The following MYH4 variants were observed in gnomAD, a reference collection of about 807,000 sequenced individuals.
The protein encoded by MYH4 is myosin-4.
MYH4 carries 200 observed loss-of-function variants against 229.9 expected under a neutral mutation model. The observed-to-expected ratio is 0.87, with a 90% CI of 0.78 to 0.98. The LOEUF is 0.98. Ranked by LOEUF, MYH4 falls within the 50% of genes least tolerant of loss-of-function variation. The probability of loss-of-function intolerance (pLI) is 0.00; values close to 1 mark genes in which losing one functional copy is unlikely to be tolerated. For missense variants in MYH4, 2,148 were observed against 2,332.6 expected, an observed-to-expected ratio of 0.92 and a Z score of 1.63; for synonymous variants, 761 against 834.6, an observed-to-expected ratio of 0.91 and a Z score of 1.52.
chr17:10,466,557 C>T lies in MYH4; in HGVS notation c.189G>A (p.Lys63=). ...QSREGGKVTA[K]TEAGATVTVK... ...TTTTACTCACAGCTCCAGCTTCGGT[C>T]TTGGCTGTCACCTTCCCCCCTTCCC... Residue 63 remains lysine (K), a synonymous_variant, in exon 3 of 40, where the codon AAG becomes AAA. Coordinates refer to ENST00000255381, the MANE Select transcript of MYH4 (RefSeq NM_017533.2). The T allele has an allele frequency of 6.2e-7, 1 of 1,613,922 alleles. No individual in the cohort carries two copies. Among genetic ancestry groups the T allele is most frequent in the Admixed American group, 1.7e-5 (1 of 60,034 alleles).
chr17:10,458,525 G>A (rs1455562680), intron 15 of MYH4, among the ~76,000 whole-genome samples: 3 of 152,246 alleles, frequency 2.0e-5, no homozygotes, highest in East Asian at 3.9e-4. Flanking sequence ...TTTAACCTGA[G>A]TATTTTAAGT....
chr17:10,449,034 G>A lies in MYH4; in HGVS notation c.4195C>T (p.Gln1399Ter). The A allele has an allele frequency of 6.2e-7, 1 of 1,613,982 alleles. No homozygotes were observed. The highest frequency in any genetic ancestry group is 8.5e-7 in the Non-Finnish European group (1 of 1,179,956). Residue 1399 changes from glutamine (Q) to a stop codon, truncating the protein, a stop_gained, in exon 31 of 40, where the codon CAG (glutamine) becomes TAG (stop). Coordinates refer to ENST00000255381, the MANE Select transcript of MYH4 (RefSeq NM_017533.2). LOFTEE classifies it high-confidence loss of function. ...TGTTCTTCTGCATCCTGCAGACGCTGGGCTAGCTTCTTCCTGAAAATTGGG... is the reference window on the plus strand; with the variant it reads ...TGTTCTTCTGCATCCTGCAGACGCTAGGCTAGCTTCTTCCTGAAAATTGGG... ...ELEEAKKKLAQRLQDAEEHVE... is the reference protein window; with the variant it reads ...ELEEAKKKLA
Position 10,462,945 on chromosome 17 carries a change from G to A in MYH4, c.928C>T (p.Pro310Ser), listed in dbSNP as rs200664872. ...LIEMLLITTN[P>S]YDFAFVSQGE... is the part of the protein sequence containing the mutation. ...TGGCTGACAAATGCGAAGTCATATG[G>A]GTTGGTGGTGATCAGAAGCATTTCT... The change falls in exon 11 of 40, where the codon CCA becomes TCA. Residue 310 changes from proline (P) to serine (S), a missense_variant. Coordinates refer to ENST00000255381, the MANE Select transcript of MYH4 (RefSeq NM_017533.2). 6.2e-7 allele frequency: 1 copy of A among 1,614,048 alleles called. No individual in the cohort carries two copies. The highest frequency in any genetic ancestry group is 8.5e-7 in the Non-Finnish European group (1 of 1,179,946).
rs2072571871 is a variant in MYH4, at chr17:10,451,395, T to C, written c.3796A>G (p.Lys1266Glu). ...ATTAAGCGTTGTTGCTCTTCTTCCT[T>C]TGTTTTTATTTCACTAAGCTGGTCC... is the stretch of plus-strand genomic sequence containing the variant. ...LEDQLSEIKT[K>E]EEEQQRLINE... The change falls in exon 28 of 40, where the codon AAG becomes GAG. Residue 1266 changes from lysine to glutamate, a missense_variant. Transcript: ENST00000255381. The C allele has an allele frequency of 5.0e-6, 8 of 1,613,978 alleles. No individual in the cohort carries two copies. Among genetic ancestry groups the C allele is most frequent in the Non-Finnish European group, 6.8e-6 (8 of 1,179,998 alleles).
chr17:10,467,902 C>T (rs1010581056), intron 2 of MYH4, among the ~76,000 whole-genome samples: 6 of 152,172 alleles, frequency 3.9e-5, no homozygotes, highest in Admixed American at 3.3e-4. Flanking sequence ...GTCTTGGTTG[C>T]CAATGACAAT....
chr17:10,466,454 G>A (rs778987856), intron 3 of MYH4, 38 bp from the exon 4 acceptor site: 16 of 1,612,572 alleles, frequency 9.9e-6, no homozygotes, highest in Non-Finnish European at 1.4e-5. Context: ...TATCAAATAA[G>A]TAGCAGAAAA....
chr17:10,464,777 T>G lies in MYH4; in HGVS notation c.506-69A>C. 4.7e-6 allele frequency: 7 copies of G among 1,486,596 alleles called. No homozygotes were observed. In the South Asian group the frequency reaches 8.4e-5, roughly 18 times the overall value. The allele number at this position is 1,486,596 out of a possible 1,614,324, so 92.1% of individuals were successfully genotyped here. ...AACACATAGGTCAACGCAGTACTTA[T>G]AAACTCAAAATTGTCTTTTAAAACT... On this transcript the variant is annotated intron_variant, in intron 5 of 39. Transcript: ENST00000255381.
Position 10,452,428 on chromosome 17 carries a change from G to A in MYH4, c.3336C>T (p.Ile1112=), listed in dbSNP as rs1181293809. The part of the protein sequence containing the change: ...QALAIQLQKK[I]KELQARIEEL... ...GGTTATAACTTACCTGTAATTCTTT[G>A]ATCTTCTTTTGTAGCTGTATTGCAA... Residue 1112 remains isoleucine, a synonymous_variant, in exon 26 of 40, where the codon ATC becomes ATT. Coordinates refer to ENST00000255381, the MANE Select transcript of MYH4 (RefSeq NM_017533.2). 6.2e-7 allele frequency: 1 copy of A among 1,613,956 alleles called. No individual in the cohort carries two copies. Among genetic ancestry groups the A allele is most frequent in the African/African-American group, 1.3e-5 (1 of 74,906 alleles).
chr17:10,455,347 C>T (rs750474984), intron 19 of MYH4, 52 bp from the exon 20 acceptor site: 2 of 1,553,594 alleles, frequency 1.3e-6, no homozygotes, highest in Middle Eastern at 1.7e-4. Flanking sequence ...CTGAAAAAAA[C>T]AGTAGAACAT....
chr17:10,466,292 T>TA lies in MYH4; in HGVS notation c.328dup (p.Tyr110LeufsTer29), dbSNP rs762600345. The TA allele has an allele frequency of 1.2e-6, 2 of 1,614,174 alleles. No homozygotes were observed. Among genetic ancestry groups the TA allele is most frequent in the Non-Finnish European group, 1.7e-6 (2 of 1,180,030 alleles). ...GCTCACGTAGATCATCCAGGCTGCG[T>TA]AACGCTCTTTGAGGTTATACAGCAC... is the stretch of plus-strand genomic sequence containing the variant. On this transcript the variant is annotated frameshift_variant, in exon 4 of 40. Transcript: ENST00000255381. LOFTEE classifies it high-confidence loss of function.
chr17:10,451,287 C>T lies in MYH4; in HGVS notation c.3865+39G>A, dbSNP rs554008033. On this transcript the variant is annotated intron_variant, in intron 28 of 39. Coordinates refer to ENST00000255381, the MANE Select transcript of MYH4 (RefSeq NM_017533.2). The stretch of plus-strand genomic sequence containing the variant: ...GGTAGGTAAAGGCTTGTCTTTCATT[C>T]GTCACCTCTCCGAAGGTTGATGCTA... 112 of 1,604,834 alleles carry T rather than the reference C, an allele frequency of 7.0e-5. 1 individual carries two copies. In the South Asian group the frequency reaches 7.3e-4, roughly 10 times the overall value.
chr17:10,450,936 A>C, intron 28 of MYH4, 41 bp from the exon 29 acceptor site: 3 of 1,463,896 alleles, frequency 2.0e-6, no homozygotes, highest in Non-Finnish European at 2.9e-6. Context: ...TCTGTTGTCT[A>C]GGTAAACAAT....
rs865831195 is a variant in MYH4 at position 10,451,392 on chromosome 17, C to T, written c.3799G>A (p.Glu1267Lys). The T allele has an allele frequency of 6.2e-7, 1 of 1,613,880 alleles. No individual in the cohort carries two copies. The highest frequency in any genetic ancestry group is 1.3e-5 in the African/African-American group (1 of 74,922). ...EDQLSEIKTKEEEQQRLINEL... is the reference protein window; with the variant it reads ...EDQLSEIKTKKEEQQRLINEL... ...TTTATTAAGCGTTGTTGCTCTTCTT[C>T]CTTTGTTTTTATTTCACTAAGCTGG... The change falls in exon 28 of 40, where the codon GAA becomes AAA. Residue 1267 changes from glutamate (E) to lysine (K), a missense_variant. Coordinates refer to ENST00000255381, the MANE Select transcript of MYH4 (RefSeq NM_017533.2).
chr17:10,454,661 T>G lies in MYH4; in HGVS notation c.2585A>C (p.Lys862Thr). 2 of 1,614,246 alleles carry G rather than the reference T, an allele frequency of 1.2e-6. 1 individual carries two copies. Among genetic ancestry groups the G allele is most frequent in the South Asian group, 2.2e-5 (2 of 91,084 alleles). Residue 862 changes from lysine to threonine, a missense_variant, in exon 22 of 40, where the codon AAA becomes ACA. Lys to Thr is a moderately conservative substitution (Grantham distance 78). Transcript: ENST00000255381. ...TGTCTTAGCCAGCTCTTCTTTGGTTTTCTCAAATTCTTCCTTCATGTTGGC... is the reference window on the plus strand; with the variant it reads ...TGTCTTAGCCAGCTCTTCTTTGGTTGTCTCAAATTCTTCCTTCATGTTGGC... The part of the protein sequence containing the change: ...EMANMKEEFE[K>T]TKEELAKTEA...
In MYH4 at chr17:10,452,308, T is replaced by A. The variant is rs1444870860; in HGVS notation, c.3371A>T (p.Glu1124Val). The change falls in exon 27 of 40, where the codon GAG (glutamate) becomes GTG (valine). Residue 1124 changes from glutamate (E) to valine (V), a missense_variant. Coordinates refer to ENST00000255381, the MANE Select transcript of MYH4 (RefSeq NM_017533.2). ...ELQARIEELE[E>V]EIEAERASRA... ...GGAGGCCCGCTCTGCCTCGATTTCCTCCTCCAGCTCCTCAATGCGGGCCTG... is the reference window on the plus strand; with the variant it reads ...GGAGGCCCGCTCTGCCTCGATTTCCACCTCCAGCTCCTCAATGCGGGCCTG... The A allele has an allele frequency of 6.2e-7, 1 of 1,614,022 alleles. No individual in the cohort carries two copies. Among genetic ancestry groups the A allele is most frequent in the African/African-American group, 1.3e-5 (1 of 74,934 alleles).
At chr17:10,452,600 T>C in intron 25 of MYH4, 94 bp from the exon 26 acceptor site, 1 of 1,314,784 alleles carries the variant, frequency 7.6e-7, no homozygotes, top group Admixed American at 2.0e-5. Flanking sequence ...CTGCTGGTGT[T>C]GAAGGAGTGA....
chr17:10,457,776 T>C (rs2072658678), intron 15 of MYH4, 47 bp from the exon 16 acceptor site: 1 of 1,557,924 alleles, frequency 6.4e-7, no homozygotes, highest in East Asian at 2.3e-5. Context: ...CCTCAGAAAG[T>C]TATGCTCCAT....
intron 5 of MYH4, 95 bp downstream of exon 5, chr17:10,465,347 G>A: frequency 1.4e-6 from 2 of 1,443,492 alleles, no homozygotes; most frequent in Non-Finnish European, 1.9e-6. Context: ...TGTTTGTGCT[G>A]AACAGTTATT....
At chr17:10,455,573 TAGACTA>T (rs2072629800) in intron 19 of MYH4, 35 bp downstream of exon 19, 10 of 1,607,026 alleles carry the variant, frequency 6.2e-6, no homozygotes, top group Non-Finnish European at 8.5e-6. Flanking sequence ...TGATTTTGTG[TAGACTA>T]AGACATTGGA....
Sources: gnomAD v4.1 joint callset for allele counts (sites outside exome capture counted in the v4.1 genomes callset) on GRCh38, gnomAD v4.1.1 for gene constraint, MANE v1.5 for transcripts, NCBI Gene and HGNC (gene_info 2026-07-23, HGNC 2026-07-21) for gene names.